The following RIMS4 variants were observed in gnomAD, a reference collection of about 807,000 sequenced individuals.
RIMS4 encodes regulating synaptic membrane exocytosis 4.
A neutral mutation model predicts 29.0 loss-of-function variants in RIMS4; 9 were observed. The ratio of observed to expected loss-of-function variants is 0.31; its 90% CI spans 0.19 to 0.54. The LOEUF (loss-of-function observed/expected upper bound fraction) is 0.54, where lower values mean the gene tolerates loss of function less well. Among genes scored for constraint, RIMS4 ranks in the 20% least tolerant of loss-of-function variants. RIMS4 has a pLI of 0.94. For synonymous variants in RIMS4, 130 were observed against 152.9 expected, an observed-to-expected ratio of 0.85 and a Z score of 1.10; for missense variants, 193 against 365.7, an observed-to-expected ratio of 0.53 and a Z score of 3.85.
intron 2 of RIMS4, among the ~76,000 whole-genome samples, chr20:44,770,541 C>G (rs112505544): frequency 1.0e-3 from 157 of 152,250 alleles, no homozygotes; most frequent in African/African-American, 3.6e-3. Context: ...AACCCCTAGT[C>G]TAGGTGAGTT....
intron 1 of RIMS4, among the ~76,000 whole-genome samples, chr20:44,804,206 C>T (rs1258151403): frequency 6.6e-6 from 1 of 152,114 alleles, no homozygotes; most frequent in Non-Finnish European, 1.5e-5. Context: ...GAATTCAGTG[C>T]GATCACAGAA....
chr20:44,774,822 C>T (rs1228637821), intron 1 of RIMS4, among the ~76,000 whole-genome samples: 3 of 152,102 alleles, frequency 2.0e-5, no homozygotes, highest in Non-Finnish European at 2.9e-5. Context: ...TGACCTCCTC[C>T]CCCATTTGTC....
At chr20:44,787,667 T>C (rs1386384663) in intron 1 of RIMS4, among the ~76,000 whole-genome samples, 1 of 150,420 alleles carries the variant, frequency 6.6e-6, no homozygotes, top group Non-Finnish European at 1.5e-5. Flanking sequence ...GAGCTGCTTT[T>C]CCCCAGAGAA....
intron 2 of RIMS4, among the ~76,000 whole-genome samples, chr20:44,763,792 G>A (rs949038387): frequency 6.6e-6 from 1 of 152,162 alleles, no homozygotes; most frequent in African/African-American, 2.4e-5. Flanking sequence ...TCACGCAGGG[G>A]TTTGACTCCA....
At position 44,756,317 on chromosome 20, in the gene RIMS4, C is replaced by T. The variant is rs143490526; in HGVS notation, c.627G>A (p.Arg209=). ...IVWGNYGRME[R]KQFMGVARVL... is the part of the protein sequence containing the mutation. ...CGCGAGCCACACCCATGAACTGCTT[C>T]CGCTCCATCCGCCCGTAGTTCCCCC... The change falls in exon 6 of 6, where the codon CGG becomes CGA. Residue 209 remains arginine, a synonymous_variant. Transcript: ENST00000372851. This position sits in a 1 kb window ranked among gnomAD's most constrained non-coding sequence, Gnocchi z 5.9. 1.2e-6 allele frequency: 2 copies of T among 1,614,054 alleles called. No homozygotes were observed. The highest frequency in any genetic ancestry group is 1.3e-5 in the African/African-American group (1 of 75,042).
chr20:44,768,137 C>T (rs2066121767), intron 2 of RIMS4, among the ~76,000 whole-genome samples: 1 of 152,202 alleles, frequency 6.6e-6, no homozygotes, highest in Admixed American at 6.5e-5. Flanking sequence ...GGGAACACAA[C>T]ATTTCCCAAG....
At chr20:44,800,081 A>C (rs1601045378) in intron 1 of RIMS4, among the ~76,000 whole-genome samples, 1 of 152,210 alleles carries the variant, frequency 6.6e-6, no homozygotes, top group African/African-American at 2.4e-5. Flanking sequence ...GCCAAGATTC[A>C]AATCCAGGTT....
Position 44,804,295 on chromosome 20 carries a change from A to G in RIMS4, c.97+5880T>C, listed in dbSNP as rs1461771656. ...AGAGATGCTTGAACAAAAATAATTA[A>G]CCCTTTTTTTCCAGATGAGGCTCAG... On this transcript the variant is annotated intron_variant, in intron 1 of 5. Coordinates refer to ENST00000372851, the MANE Select transcript of RIMS4 (RefSeq NM_182970.4). 2.0e-5 allele frequency among the ~76,000 whole-genome samples: 3 copies of G among 152,048 alleles called. No homozygotes were observed. The East Asian group carries it at 5.8e-4, about 29-fold the overall frequency.
At chr20:44,772,896 C>T (rs2066143059) in intron 1 of RIMS4, among the ~76,000 whole-genome samples, 1 of 152,346 alleles carries the variant, frequency 6.6e-6, no homozygotes. Flanking sequence ...CCTCCCTCCT[C>T]CTCCCAGCTC....
At position 44,753,970 on chromosome 20, in the gene RIMS4, G is replaced by A. The variant is rs557843149; in HGVS notation, c.*2164C>T. On this transcript the variant is annotated 3_prime_UTR_variant, in exon 6 of 6. Coordinates refer to ENST00000372851, the MANE Select transcript of RIMS4 (RefSeq NM_182970.4). Reference sequence around the variant, plus strand: ...TCAGGGCCAAGCCCCTGCTCCCCCTGGTTGGGACAGCCAGGCTCTGCCCTG... The same window carrying A: ...TCAGGGCCAAGCCCCTGCTCCCCCTAGTTGGGACAGCCAGGCTCTGCCCTG... 6.5e-6 allele frequency: 1 copy of A among 152,724 alleles called. No individual in the cohort carries two copies. The highest frequency in any genetic ancestry group is 2.1e-4 in the South Asian group (1 of 4,828). The allele number at this position is 152,724 out of a possible 1,614,324, so 9.5% of individuals were successfully genotyped here. A position where few individuals can be genotyped will look rare whatever the true frequency, so the allele number is the denominator to read the frequency against.
At chr20:44,788,155 C>T (rs750146594) in intron 1 of RIMS4, among the ~76,000 whole-genome samples, 1 of 152,168 alleles carries the variant, frequency 6.6e-6, no homozygotes, top group African/African-American at 2.4e-5. Context: ...CTTCATCTTC[C>T]CAGACAGGGG....
At chr20:44,783,356 C>T (rs1601033946) in intron 1 of RIMS4, among the ~76,000 whole-genome samples, 1 of 152,180 alleles carries the variant, frequency 6.6e-6, no homozygotes, top group South Asian at 2.1e-4. Context: ...GGCATGGTGG[C>T]TCACGCCTAT....
intron 2 of RIMS4, among the ~76,000 whole-genome samples, chr20:44,758,433 G>A (rs1263740482): frequency 6.6e-6 from 1 of 152,220 alleles, no homozygotes; most frequent in Non-Finnish European, 1.5e-5. Flanking sequence ...TCCACCCCCA[G>A]CTGCTGAATC....
At chr20:44,773,605 C>T (rs1351955158) in intron 1 of RIMS4, among the ~76,000 whole-genome samples, 1 of 152,178 alleles carries the variant, frequency 6.6e-6, no homozygotes, top group Non-Finnish European at 1.5e-5. Flanking sequence ...CAGGTGCCCC[C>T]ACCCCGGATC....
chr20:44,756,141 C>A lies in RIMS4; in HGVS notation c.803G>T (p.Arg268Leu), dbSNP rs867830572. The change falls in exon 6 of 6, where the codon CGA becomes CTA. Residue 268 changes from arginine (R) to leucine (L), a missense_variant. Transcript: ENST00000372851. The surrounding 1 kb of genome is among the most constrained non-coding windows in gnomAD (Gnocchi z 5.9). ...LESTVGPCGE[R>L]S Reference sequence around the variant, plus strand: ...CCCCTCCCCATTCCAGCACTAAGATCGTTCTCCGCAGGGCCCCACGGTGCT... The same window carrying A: ...CCCCTCCCCATTCCAGCACTAAGATAGTTCTCCGCAGGGCCCCACGGTGCT... The A allele has an allele frequency of 1.3e-6, 2 of 1,599,728 alleles. No individual in the cohort carries two copies. The highest frequency in any genetic ancestry group is 1.1e-5 in the South Asian group (1 of 89,682).
intron 1 of RIMS4, among the ~76,000 whole-genome samples, chr20:44,796,760 A>G (rs901119991): frequency 1.3e-5 from 2 of 152,238 alleles, no homozygotes; most frequent in African/African-American, 2.4e-5. Flanking sequence ...AGAAAACTCA[A>G]ACAAGACTGT....
intron 1 of RIMS4, among the ~76,000 whole-genome samples, chr20:44,803,546 G>A (rs747471801): frequency 1.1e-4 from 16 of 152,186 alleles, no homozygotes; most frequent in African/African-American, 1.7e-4. Flanking sequence ...TCACTCCCCC[G>A]TTGCAGAAAC....
chr20:44,760,922 CA>C lies in RIMS4; in HGVS notation c.237-2739del, dbSNP rs532385583. On this transcript the variant is annotated intron_variant, in intron 2 of 5. Coordinates refer to ENST00000372851, the MANE Select transcript of RIMS4 (RefSeq NM_182970.4). The stretch of plus-strand genomic sequence containing the variant: ...TAAATAAGTAGAGAATTAATGTGGG[CA>C]GGGGGGGATGTGGGCGGCAATACAA... Among the ~76,000 whole-genome samples the C allele has an allele frequency of 3.9e-3, 593 of 152,098 alleles. 5 individuals are homozygous for C. Among genetic ancestry groups the C allele is most frequent in the African/African-American group, 0.012 (496 of 41,490 alleles).
At chr20:44,809,682 C>A (rs2066314647) in intron 1 of RIMS4, among the ~76,000 whole-genome samples, 1 of 152,102 alleles carries the variant, frequency 6.6e-6, no homozygotes, top group African/African-American at 2.4e-5. Context: ...TGGGGGCGCT[C>A]AAGGCCTGGG....
Sources: allele counts gnomAD v4.1 joint callset (sites outside exome capture counted in the v4.1 genomes callset), GRCh38; gene constraint gnomAD v4.1.1; non-coding constraint Gnocchi (gnomAD v3.1); transcripts MANE v1.5; gene names NCBI Gene and HGNC (gene_info 2026-07-23, HGNC 2026-07-21).